UBP1: variants seen among roughly 807,000 people sequenced by gnomAD.
UBP1 encodes upstream-binding protein 1.
A neutral mutation model predicts 76.1 loss-of-function variants in UBP1; 22 were observed. The ratio of observed to expected loss-of-function variants is 0.29; its 90% CI spans 0.21 to 0.41. The LOEUF is 0.41. UBP1 is among the 10% of genes least tolerant of loss of function. The pLI is 1.00. For missense variants in UBP1, 436 were observed against 668.1 expected, an observed-to-expected ratio of 0.65 and a Z score of 3.83; for synonymous variants, 224 against 237.1, an observed-to-expected ratio of 0.94 and a Z score of 0.51.
chr3:33,427,982 G>A (rs2045047133), intron 1 of UBP1, among the ~76,000 whole-genome samples: 1 of 152,164 alleles, frequency 6.6e-6, no homozygotes, highest in Admixed American at 6.5e-5. Flanking sequence ...CCTGAGGTCA[G>A]GAGTTCGAGA....
chr3:33,411,797 G>T, intron 4 of UBP1, 110 bp from the exon 5 acceptor site: 1 of 816,884 alleles, frequency 1.2e-6, no homozygotes, highest in Non-Finnish European at 2.0e-6. Context: ...TTTGAACTCT[G>T]TCTTTCAATG....
chr3:33,404,100 A>G (rs1197556318), intron 8 of UBP1, among the ~76,000 whole-genome samples: 1 of 152,174 alleles, frequency 6.6e-6, no homozygotes, highest in Non-Finnish European at 1.5e-5. Context: ...GTTTCTACCA[A>G]AAAATAAAAA....
rs754581679 is a variant in UBP1 at position 33,393,462 on chromosome 3, TAAA to T, written c.1391-11_1391-9del. On this transcript the variant is annotated splice_polypyrimidine_tract_variant and intron_variant, in intron 13 of 15. Coordinates refer to ENST00000283629, the MANE Select transcript of UBP1 (RefSeq NM_014517.5). ...AGTAGATTGCATGATAAACTGAAAT[TAAA>T]AAAAAAAAAAGAAAAGCATTTTAAC... The T allele has an allele frequency of 1.5e-5, 20 of 1,345,680 alleles. No individual in the cohort carries two copies. Among genetic ancestry groups the T allele is most frequent in the Admixed American group, 6.6e-5 (3 of 45,362 alleles). The allele number at this position is 1,345,680 out of a possible 1,614,324, so 83.4% of individuals were successfully genotyped here. A position where few individuals can be genotyped will look rare whatever the true frequency, so the allele number is the denominator to read the frequency against.
intron 1 of UBP1, among the ~76,000 whole-genome samples, chr3:33,433,012 T>C (rs1282663052): frequency 6.6e-6 from 1 of 152,028 alleles, no homozygotes; most frequent in Admixed American, 6.6e-5. Context: ...ACTAGTTTTG[T>C]CATAGTTCAT....
At chr3:33,396,444 C>T in intron 12 of UBP1, 164 bp from the exon 13 acceptor site, 1 of 535,152 alleles carries the variant, frequency 1.9e-6, no homozygotes. Flanking sequence ...AAACCACACA[C>T]CTCACACCAA....
At chr3:33,428,181 C>CAAAAAAA (rs59049122) in intron 1 of UBP1, among the ~76,000 whole-genome samples, 18 of 57,194 alleles carry the variant, frequency 3.1e-4, no homozygotes, top group Middle Eastern at 0.013. Flanking sequence ...GATTCCATCT[C>CAAAAAAA]AAAAAAAAAA....
upstream of UBP1, chr3:33,440,786 A>G (rs1404014846): frequency 2.0e-5 from 3 of 152,418 alleles, no homozygotes; most frequent in Middle Eastern, 3.4e-3. Flanking sequence ...TGTTGCCAAA[A>G]GAAAGAGTTC....
chr3:33,431,847 G>A (rs1482556421), intron 1 of UBP1, among the ~76,000 whole-genome samples: 1 of 152,102 alleles, frequency 6.6e-6, no homozygotes, highest in Non-Finnish European at 1.5e-5. Context: ...GGCTGAGGAG[G>A]TGTCATTAAG....
rs747820699 is a variant in UBP1 at position 33,411,564 on chromosome 3, A to G, written c.555+17T>C. 1 of 1,609,228 alleles carries G rather than the reference A, an allele frequency of 6.2e-7. No homozygotes were observed. The highest frequency in any genetic ancestry group is 8.5e-7 in the Non-Finnish European group (1 of 1,175,572). ...ATAACTAGGTTAGTAAGCTTCTAAT[A>G]ATGTAAAAATCCAAACCTGAATGAA... On this transcript the variant is annotated intron_variant, in intron 5 of 15. Coordinates refer to ENST00000283629, the MANE Select transcript of UBP1 (RefSeq NM_014517.5).
At chr3:33,441,348 A>G (rs551944026), upstream of UBP1, 15 of 152,424 alleles carry the variant, frequency 9.8e-5, no homozygotes, top group African/African-American at 3.1e-4. Flanking sequence ...AGAGAACGTC[A>G]AGGCCCGGGC....
At chr3:33,399,321 C>A (rs1446653408) in intron 11 of UBP1, among the ~76,000 whole-genome samples, 5 of 152,222 alleles carry the variant, frequency 3.3e-5, no homozygotes, top group Admixed American at 2.0e-4. Flanking sequence ...TCCCTCTAAA[C>A]AGGTTTCCTA....
At position 33,406,947 on chromosome 3, in the gene UBP1, G is replaced by A. The variant is rs777779398; in HGVS notation, c.927+1743C>T. Among the ~76,000 whole-genome samples the A allele has an allele frequency of 1.1e-4, 17 of 152,078 alleles. 1 individual carries two copies. Among genetic ancestry groups the A allele is most frequent in the Admixed American group, 9.2e-4 (14 of 15,276 alleles). ...TATTCAGTGTGGCACCATTTCATTC[G>A]GCATCTTTTCGACTCTAACAGTAAG... On this transcript the variant is annotated intron_variant, in intron 8 of 15. Coordinates refer to ENST00000283629, the MANE Select transcript of UBP1 (RefSeq NM_014517.5).
intron 8 of UBP1, among the ~76,000 whole-genome samples, chr3:33,404,629 A>G (rs1433117521): frequency 6.6e-6 from 1 of 152,142 alleles, no homozygotes; most frequent in African/African-American, 2.4e-5. Context: ...CTTGGGTAAC[A>G]GAGTGAGACC....
chr3:33,414,693 C>CA (rs1299610203), intron 3 of UBP1, among the ~76,000 whole-genome samples: 1 of 152,176 alleles, frequency 6.6e-6, no homozygotes, highest in African/African-American at 2.4e-5. Context: ...TTGGTAGTAG[C>CA]AGACAGTAGC....
chr3:33,422,883 A>T (rs1461222113), intron 2 of UBP1, among the ~76,000 whole-genome samples: 1 of 152,154 alleles, frequency 6.6e-6, no homozygotes, highest in Non-Finnish European at 1.5e-5. Flanking sequence ...TTTGGGTTTA[A>T]AACTTTTTGT....
intron 1 of UBP1, among the ~76,000 whole-genome samples, chr3:33,436,150 A>G (rs181519713): frequency 2.0e-4 from 30 of 152,378 alleles, no homozygotes; most frequent in Non-Finnish European, 3.2e-4. Flanking sequence ...AAAGTGACAG[A>G]TAATAGTGTA....
chr3:33,405,920 A>G (rs986172855), intron 8 of UBP1, among the ~76,000 whole-genome samples: 1 of 152,226 alleles, frequency 6.6e-6, no homozygotes, highest in African/African-American at 2.4e-5. Context: ...CAATGGATAC[A>G]TGGAAAATAA....
intron 1 of UBP1, among the ~76,000 whole-genome samples, chr3:33,427,802 A>G (rs935670799): frequency 6.6e-6 from 1 of 152,224 alleles, no homozygotes; most frequent in Admixed American, 6.5e-5. Flanking sequence ...ACGGTTAGCA[A>G]TGGTCCCAAC....
chr3:33,440,920 C>CCTGGTG (rs1343727215), upstream of UBP1: 1 of 152,210 alleles, frequency 6.6e-6, no homozygotes, highest in Non-Finnish European at 1.5e-5. Flanking sequence ...GGTTTGCACC[C>CCTGGTG]CATCTGGTGA....
Sources: allele counts gnomAD v4.1 joint callset (sites outside exome capture counted in the v4.1 genomes callset), GRCh38; gene constraint gnomAD v4.1.1; transcripts MANE v1.5; gene names NCBI Gene and HGNC (gene_info 2026-07-23, HGNC 2026-07-21).